The following KRT39 variants were observed in gnomAD, a reference collection of about 807,000 sequenced individuals.
KRT39 encodes keratin 39.
Under a neutral mutation model 54.8 loss-of-function variants are expected in KRT39, and 47 were observed. That is an observed-to-expected ratio of 0.86 (90% CI 0.68 to 1.09). The LOEUF is 1.09. Ranked by LOEUF, KRT39 falls within the 50% of genes least tolerant of loss-of-function variation. The pLI is 0.00. For synonymous variants in KRT39, 207 were observed against 227.9 expected (o/e 0.91, Z 0.83); for missense variants, 580 against 598.5 (o/e 0.97, Z 0.32).
At position 40,960,224 on chromosome 17, in the gene KRT39, A is replaced by G. The variant is rs1281016723; in HGVS notation, c.1217+57T>C. On this transcript the variant is annotated intron_variant, in intron 6 of 6. Transcript: ENST00000355612. ...TGACCCCTGTTGCCAGTGGCAGTAC[A>G]TATATCTGCGTTCATTTACACTTTT... is the stretch of plus-strand genomic sequence containing the variant. The G allele has an allele frequency of 3.4e-6, 5 of 1,462,916 alleles. No homozygotes were observed. In the Admixed American group the frequency reaches 5.0e-5, roughly 15 times the overall value. 90.6% of individuals were successfully genotyped at this position (1,462,916 alleles called of 1,614,324 possible). A position where few individuals can be genotyped will look rare whatever the true frequency, so the allele number is the denominator to read the frequency against.
chr17:40,960,988 G>A (rs1288897168), intron 5 of KRT39, among the ~76,000 whole-genome samples: 1 of 152,072 alleles, frequency 6.6e-6, no homozygotes, highest in African/African-American at 2.4e-5. Context: ...AAAATTAGCT[G>A]GGTGTTCTGG....
rs1201350601 is a variant in KRT39, at chr17:40,966,585, C to A, written c.272G>T (p.Gly91Val). 2 of 1,614,160 alleles carry A rather than the reference C, an allele frequency of 1.2e-6. No individual in the cohort carries two copies. Among genetic ancestry groups the A allele is most frequent in the Admixed American group, 1.7e-5 (1 of 60,016 alleles). ...GGTCTCCTTCTCATTACTGTTGATG[C>A]CTTCACCATACCAGCTGCAGTCATC... Reference protein sequence around the residue: ...SLDDCSWYGEGINSNEKETMQ... With the variant: ...SLDDCSWYGEVINSNEKETMQ... Residue 91 changes from glycine to valine, a missense_variant, in exon 1 of 7, where the codon GGC becomes GTC. Coordinates refer to ENST00000355612, the MANE Select transcript of KRT39 (RefSeq NM_213656.4).
In KRT39 at chr17:40,966,697, G is replaced by T; in HGVS notation, c.160C>A (p.Pro54Thr). ...GTGGGTTGGCAGCCCTGGTCCCAGG[G>T]AATTCTGAGAACGTGGCCAGCTGGT... ...CQPAGHVLRI[P>T]WDQGCQPTPR... The change falls in exon 1 of 7, where the codon CCC (proline) becomes ACC (threonine). Residue 54 changes from proline (P) to threonine (T), a missense_variant. By Grantham distance (38) the Pro-to-Thr change is conservative. Coordinates refer to ENST00000355612, the MANE Select transcript of KRT39 (RefSeq NM_213656.4). 1.2e-6 allele frequency: 2 copies of T among 1,614,212 alleles called. No homozygotes were observed. Among genetic ancestry groups the T allele is most frequent in the Non-Finnish European group, 1.7e-6 (2 of 1,180,042 alleles).
chr17:40,962,275 T>A lies in KRT39; in HGVS notation c.883A>T (p.Asn295Tyr), dbSNP rs1911185239. 1 of 1,614,240 alleles carries A rather than the reference T, an allele frequency of 6.2e-7. No homozygotes were observed. Among genetic ancestry groups the A allele is most frequent in the Non-Finnish European group, 8.5e-7 (1 of 1,180,054 alleles). The part of the protein sequence containing the change: ...QWFNTQIEEL[N>Y]QQVVTSSQQQ... ...TGAGAGCTGGTCACCACTTGTTGAT[T>A]CAGCTCCTCTATCTGAAACACACAG... Residue 295 changes from asparagine to tyrosine, a missense_variant, in exon 5 of 7, where the codon AAT (asparagine) becomes TAT (tyrosine). By Grantham distance (143) the Asn-to-Tyr change is moderately radical (BLOSUM62 -2). Coordinates refer to ENST00000355612, the MANE Select transcript of KRT39 (RefSeq NM_213656.4).
Position 40,962,280 on chromosome 17 carries a change from T to A in KRT39, c.878A>T (p.Glu293Val). The change falls in exon 5 of 7, where the codon GAG (glutamate) becomes GTG (valine). Residue 293 changes from glutamate (E) to valine (V), a missense_variant. Coordinates refer to ENST00000355612, the MANE Select transcript of KRT39 (RefSeq NM_213656.4). Reference protein sequence around the residue: ...VEQWFNTQIEELNQQVVTSSQ... With the variant: ...VEQWFNTQIEVLNQQVVTSSQ... The stretch of plus-strand genomic sequence containing the variant: ...GCTGGTCACCACTTGTTGATTCAGC[T>A]CCTCTATCTGAAACACACAGCCAGA... 1 of 1,614,144 alleles carries A rather than the reference T, an allele frequency of 6.2e-7. No individual in the cohort carries two copies. The highest frequency in any genetic ancestry group is 8.5e-7 in the Non-Finnish European group (1 of 1,180,022).
chr17:40,961,135 G>GAA (rs3067627), intron 5 of KRT39, among the ~76,000 whole-genome samples: 33 of 139,368 alleles, frequency 2.4e-4, no homozygotes, highest in Admixed American at 5.7e-4. Flanking sequence ...ATCTCAAAAA[G>GAA]AAAAAAAAAA....
At chr17:40,959,728 TG>T (rs1355451071) in intron 6 of KRT39, among the ~76,000 whole-genome samples, 1 of 152,264 alleles carries the variant, frequency 6.6e-6, no homozygotes, top group Non-Finnish European at 1.5e-5. Context: ...TGTTTACTTA[TG>T]GGTTGGTTAG....
chr17:40,963,870 T>C, intron 2 of KRT39, 87 bp from the exon 3 acceptor site: 4 of 1,007,446 alleles, frequency 4.0e-6, no homozygotes, highest in Non-Finnish European at 5.9e-6. Context: ...CATTTTGCTC[T>C]GGGCACCTCA....
chr17:40,966,782 A>G lies in KRT39; in HGVS notation c.75T>C (p.Val25=), dbSNP rs1329140432. The G allele has an allele frequency of 6.2e-7, 1 of 1,614,090 alleles. No homozygotes were observed. Among genetic ancestry groups the G allele is most frequent in the Non-Finnish European group, 8.5e-7 (1 of 1,180,036 alleles). Residue 25 remains valine, a synonymous_variant, in exon 1 of 7, where the codon GTT becomes GTC. Coordinates refer to ENST00000355612, the MANE Select transcript of KRT39 (RefSeq NM_213656.4). ...PCQNCSRITN[V]STISSNNGCH... ...AGCCGTTGTTAGAAGAGATGGTACT[A>G]ACATTTGTAATCCTAGAGCAGTTTT...
chr17:40,961,086 T>C (rs370544651), intron 5 of KRT39, among the ~76,000 whole-genome samples: 1 of 150,472 alleles, frequency 6.6e-6, no homozygotes, highest in Non-Finnish European at 1.5e-5. Flanking sequence ...CCCGAGATCG[T>C]GCCACTGCTG....
At chr17:40,960,192 A>G (rs1391016830) in intron 6 of KRT39, 89 bp downstream of exon 6, 1 of 1,149,660 alleles carries the variant, frequency 8.7e-7, no homozygotes, top group Non-Finnish European at 1.3e-6. Context: ...AGGTCAAACA[A>G]AGCACTTGAC....
intron 2 of KRT39, 90 bp downstream of exon 2, chr17:40,964,356 G>C (rs539683056): frequency 2.0e-6 from 2 of 1,023,898 alleles, no homozygotes; most frequent in African/African-American, 3.1e-5. Context: ...GGGCAAGAGG[G>C]TTAGTAGACA....
chr17:40,962,456 A>G lies in KRT39; in HGVS notation c.816T>C (p.Tyr272=), dbSNP rs143164542. The G allele has an allele frequency of 5.5e-4, 895 of 1,614,246 alleles. No homozygotes were observed. The highest frequency in any genetic ancestry group is 4.8e-3 in the Middle Eastern group (29 of 6,062). The part of the protein sequence containing the change: ...NQVLQEMRCQ[Y]EPIMETNRKD... ...TGCGGTTTGTCTCCATGATGGGCTC[A>G]TATTGACATCTCATTTCTTGTAGAA... Residue 272 remains tyrosine (Y), a synonymous_variant, in exon 4 of 7, where the codon TAT becomes TAC. Transcript: ENST00000355612.
chr17:40,963,891 T>A, intron 2 of KRT39, 108 bp from the exon 3 acceptor site: 1 of 749,726 alleles, frequency 1.3e-6, no homozygotes, highest in South Asian at 2.4e-5. Flanking sequence ...CTTAGTGTAT[T>A]TCTATTAGAA....
At chr17:40,961,491 C>T (rs1215833861) in intron 5 of KRT39, among the ~76,000 whole-genome samples, 1 of 152,160 alleles carries the variant, frequency 6.6e-6, no homozygotes, top group Non-Finnish European at 1.5e-5. Context: ...CACATCAGAG[C>T]ATGTAAGCAA....
intron 2 of KRT39, chr17:40,964,206 A>C (rs1911268401): frequency 9.5e-6 from 5 of 528,384 alleles, no homozygotes; most frequent in Non-Finnish European, 1.7e-5. Context: ...AGTCCTATCT[A>C]TTTTACTGAA....
rs540296154 is a variant in KRT39, at chr17:40,962,169, T to C, written c.989A>G (p.His330Arg). ...GGTCAGCTTGCTCAGTACCATTCGA[T>C]GCTGGGCCTGCAGTTCAACCTCCAG... Reference protein sequence around the residue: ...NTLEVELQAQHRMRDSQECIL... With the variant: ...NTLEVELQAQRRMRDSQECIL... Residue 330 changes from histidine to arginine, a missense_variant, in exon 5 of 7, where the codon CAT becomes CGT. Coordinates refer to ENST00000355612, the MANE Select transcript of KRT39 (RefSeq NM_213656.4). The C allele has an allele frequency of 6.2e-7, 1 of 1,614,194 alleles. No homozygotes were observed. Among genetic ancestry groups the C allele is most frequent in the African/African-American group, 1.3e-5 (1 of 75,072 alleles).
At position 40,966,657 on chromosome 17, in the gene KRT39, C is replaced by T. The variant is rs373584744; in HGVS notation, c.200G>A (p.Arg67His). The change falls in exon 1 of 7, where the codon CGC becomes CAC. Residue 67 changes from arginine to histidine, a missense_variant. Transcript: ENST00000355612. ...QGCQPTPRFC[R>H]KPIYLMNNFN... ...GTTGTTCATTAGGTAGATGGGCTTG[C>T]GACAAAAGCGAGGAGTGGGTTGGCA... is the stretch of plus-strand genomic sequence containing the variant. 59 of 1,614,052 alleles carry T rather than the reference C, an allele frequency of 3.7e-5. No individual in the cohort carries two copies. Among genetic ancestry groups the T allele is most frequent in the Admixed American group, 1.5e-4 (9 of 59,996 alleles).
Position 40,962,272 on chromosome 17 carries a change from G to T in KRT39, c.886C>A (p.Gln296Lys). ...WFNTQIEELNQQVVTSSQQQQ... is the reference protein window; with the variant it reads ...WFNTQIEELNKQVVTSSQQQQ... ...TGTTGAGAGCTGGTCACCACTTGTT[G>T]ATTCAGCTCCTCTATCTGAAACACA... The change falls in exon 5 of 7, where the codon CAA (glutamine) becomes AAA (lysine). Residue 296 changes from glutamine to lysine, a missense_variant. Transcript: ENST00000355612. 2 of 1,614,210 alleles carry T rather than the reference G, an allele frequency of 1.2e-6. No homozygotes were observed. Among genetic ancestry groups the T allele is most frequent in the South Asian group, 2.2e-5 (2 of 91,082 alleles).
Sources: gnomAD v4.1 joint callset for allele counts (sites outside exome capture counted in the v4.1 genomes callset) on GRCh38, gnomAD v4.1.1 for gene constraint, MANE v1.5 for transcripts, NCBI Gene and HGNC (gene_info 2026-07-23, HGNC 2026-07-21) for gene names.